DTX1: variants seen among roughly 807,000 people sequenced by gnomAD.
DTX1 encodes the protein E3 ubiquitin-protein ligase DTX1.
In DTX1, 26 loss-of-function variants were observed where a neutral mutation model predicts 57.8. The ratio of observed to expected loss-of-function variants is 0.45; its 90% CI spans 0.33 to 0.62. DTX1 has a LOEUF of 0.62. DTX1 is among the 20% of genes least tolerant of loss of function. The pLI is 0.02. For missense variants in DTX1, 704 were observed against 895.3 expected, an observed-to-expected ratio of 0.79 and a Z score of 2.73; for synonymous variants, 398 against 394.1, an observed-to-expected ratio of 1.01 and a Z score of -0.12.
intron 2 of DTX1, among the ~76,000 whole-genome samples, chr12:113,073,076 C>G (rs968682226): frequency 6.6e-6 from 1 of 152,094 alleles, no homozygotes; most frequent in Non-Finnish European, 1.5e-5. Context: ...CCTCCCCTGC[C>G]GAGCTCAGGA....
intron 2 of DTX1, among the ~76,000 whole-genome samples, chr12:113,064,301 C>T (rs899538990): frequency 1.3e-5 from 2 of 152,222 alleles, no homozygotes; most frequent in East Asian, 1.9e-4. Context: ...CCACCAGTCA[C>T]GCTGTCTGTA....
chr12:113,077,540 T>C lies in DTX1; in HGVS notation c.376T>C (p.Cys126Arg). Residue 126 changes from cysteine (C) to arginine (R), a missense_variant, in exon 3 of 10, where the codon TGC becomes CGC. Coordinates refer to ENST00000548759, the MANE Select transcript of DTX1 (RefSeq NM_004416.3). The surrounding 1 kb of genome is among the most constrained non-coding windows in gnomAD (Gnocchi z 7.8). ...ATGGACGGCCTACGATATGGACATCTGCATCACCATCCAGAACGCCTACGA... is the reference window on the plus strand; with the variant it reads ...ATGGACGGCCTACGATATGGACATCCGCATCACCATCCAGAACGCCTACGA... The part of the protein sequence containing the change: ...GAWTAYDMDI[C>R]ITIQNAYEKQ... 6.2e-7 allele frequency: 1 copy of C among 1,613,814 alleles called. No individual in the cohort carries two copies. Among genetic ancestry groups the C allele is most frequent in the Non-Finnish European group, 8.5e-7 (1 of 1,179,918 alleles).
Position 113,093,321 on chromosome 12 carries a change from C to T in DTX1, c.1003+98C>T. The T allele has an allele frequency of 1.4e-6, 2 of 1,436,312 alleles. No individual in the cohort carries two copies. Among genetic ancestry groups the T allele is most frequent in the Non-Finnish European group, 1.9e-6 (2 of 1,061,076 alleles). The allele number at this position is 1,436,312 out of a possible 1,614,324, so 89.0% of individuals were successfully genotyped here. On this transcript the variant is annotated intron_variant, in intron 4 of 9. Transcript: ENST00000548759. The surrounding 1 kb of genome is among the most constrained non-coding windows in gnomAD (Gnocchi z 4.2). ...CCCGCCCCCGAGATGGGCTGGTGAG[C>T]GTGGCCCGGAGGAAACGCCCCCTTC...
At chr12:113,057,287 C>T (rs2044631392) in intron 1 of DTX1, among the ~76,000 whole-genome samples, 162 bp from the exon 2 acceptor site, 1 of 152,250 alleles carries the variant, frequency 6.6e-6, no homozygotes, top group East Asian at 1.9e-4. Flanking sequence ...GCCTTCCCTC[C>T]AGGCCTGCCC....
chr12:113,070,921 G>A (rs1378265004), intron 2 of DTX1, among the ~76,000 whole-genome samples: 1 of 152,218 alleles, frequency 6.6e-6, no homozygotes, highest in African/African-American at 2.4e-5. Flanking sequence ...TGGAAGCAAT[G>A]GTGTGAGGAT....
chr12:113,075,119 A>G lies in DTX1; in HGVS notation c.260-2305A>G, dbSNP rs143993387. ...GATCCTCTCAGCAACCCCACAAGCA[A>G]CTGTTGCTACAGCTGGCAAACGCAG... On this transcript the variant is annotated intron_variant, in intron 2 of 9. Transcript: ENST00000548759. Among the ~76,000 whole-genome samples, 180 of 152,316 alleles carry G rather than the reference A, an allele frequency of 1.2e-3. 2 individuals carry two copies. The highest frequency in any genetic ancestry group is 1.6e-4 in the Non-Finnish European group (11 of 68,020).
chr12:113,077,581 G>A lies in DTX1; in HGVS notation c.417G>A (p.Trp139Ter). 1 of 1,613,642 alleles carries A rather than the reference G, an allele frequency of 6.2e-7. No homozygotes were observed. Among genetic ancestry groups the A allele is most frequent in the Non-Finnish European group, 8.5e-7 (1 of 1,179,904 alleles). Residue 139 changes from tryptophan (W) to a stop codon, truncating the protein, a stop_gained, in exon 3 of 10, where the codon TGG becomes TGA. Coordinates refer to ENST00000548759, the MANE Select transcript of DTX1 (RefSeq NM_004416.3). LOFTEE classifies it high-confidence loss of function. This position sits in a 1 kb window ranked among gnomAD's most constrained non-coding sequence, Gnocchi z 7.8. ...ACGCCTACGAGAAGCAGCACCCGTG[G>A]CTCGACCTCTCATCGCTAGGCTTCT... Reference protein sequence around the residue: ...IQNAYEKQHPWLDLSSLGFCY... With the variant: ...IQNAYEKQHP
chr12:113,094,042 G>C lies in DTX1; in HGVS notation c.1170G>C (p.Lys390Asn). The change falls in exon 6 of 10, where the codon AAG (lysine) becomes AAC (asparagine). Residue 390 changes from lysine (K) to asparagine (N), a missense_variant. By Grantham distance (94) the Lys-to-Asn change is moderately conservative. Transcript: ENST00000548759. ...CACCCCGCTGTGTCCCTGCAGGTAA[G>C]AATCCCGAGGATGTGGTTCGAAGAT... ...KTKKKHLKKS[K>N]NPEDVVRRYM... The C allele has an allele frequency of 3.9e-6, 6 of 1,554,716 alleles. No homozygotes were observed. Among genetic ancestry groups the C allele is most frequent in the Non-Finnish European group, 5.2e-6 (6 of 1,147,480 alleles).
chr12:113,064,874 G>C (rs115143586), intron 2 of DTX1, among the ~76,000 whole-genome samples: 9,411 of 152,288 alleles, frequency 0.062, 474 homozygotes, highest in African/African-American at 0.13. Context: ...TGTATGCCTG[G>C]AGCCTCTGAG....
At chr12:113,069,192 G>A in intron 2 of DTX1, among the ~76,000 whole-genome samples, 1 of 152,102 alleles carries the variant, frequency 6.6e-6, no homozygotes, top group East Asian at 1.9e-4. Context: ...AGATGAGAAA[G>A]GAGCAGTTTG....
rs1391940298 is a variant in DTX1 at position 113,077,185 on chromosome 12, C to T, written c.260-239C>T. Among the ~76,000 whole-genome samples, 1 of 152,178 alleles carries T rather than the reference C, an allele frequency of 6.6e-6. No homozygotes were observed. The highest frequency in any genetic ancestry group is 6.5e-5 in the Admixed American group (1 of 15,290). ...TGCGCTGAACCTTTAGCCCCGGCCCCCCTCACCCTGGCTGCCGCCTGTCCT... is the reference window on the plus strand; with the variant it reads ...TGCGCTGAACCTTTAGCCCCGGCCCTCCTCACCCTGGCTGCCGCCTGTCCT... On this transcript the variant is annotated intron_variant, in intron 2 of 9. Transcript: ENST00000548759. The surrounding 1 kb of genome is among the most constrained non-coding windows in gnomAD (Gnocchi z 7.8).
At chr12:113,092,856 A>G (rs940841348) in intron 3 of DTX1, among the ~76,000 whole-genome samples, 1 of 152,252 alleles carries the variant, frequency 6.6e-6, no homozygotes, top group East Asian at 1.9e-4. Flanking sequence ...ACAGCGGCCA[A>G]CGAAAGGAGC....
In DTX1 at chr12:113,096,940, G is replaced by T; in HGVS notation, c.*1G>T. On this transcript the variant is annotated 3_prime_UTR_variant, in exon 10 of 10. Coordinates refer to ENST00000548759, the MANE Select transcript of DTX1 (RefSeq NM_004416.3). ...ATCCGAGGCTGCAGCCAAGGCTTGA[G>T]GCCCAAGGCTGCCCACCTTCCCTCC... The T allele has an allele frequency of 1.2e-6, 2 of 1,607,562 alleles. No homozygotes were observed. The highest frequency in any genetic ancestry group is 8.5e-7 in the Non-Finnish European group (1 of 1,178,386).
At chr12:113,062,263 A>T (rs905350872) in intron 2 of DTX1, among the ~76,000 whole-genome samples, 11 of 152,118 alleles carry the variant, frequency 7.2e-5, no homozygotes, top group Non-Finnish European at 1.5e-4. Flanking sequence ...ATAGCATCAG[A>T]TAATAAATCT....
Position 113,093,486 on chromosome 12 carries a change from G to A in DTX1, c.1004-53G>A, listed in dbSNP as rs1318078447. On this transcript the variant is annotated intron_variant, in intron 4 of 9. Transcript: ENST00000548759. This position sits in a 1 kb window ranked among gnomAD's most constrained non-coding sequence, Gnocchi z 4.2. ...CGGGATTCCCAGGGCCAGTGGTCGG[G>A]GGTTTGGGCGGGGATGGCGCCCCGC... 20 of 1,488,338 alleles carry A rather than the reference G, an allele frequency of 1.3e-5. No homozygotes were observed. In the Admixed American group the frequency reaches 4.8e-4, roughly 35 times the overall value. 92.2% of individuals were successfully genotyped at this position (1,488,338 alleles called of 1,614,324 possible). A position where few individuals can be genotyped will look rare whatever the true frequency, so the allele number is the denominator to read the frequency against.
chr12:113,096,484 GAAAGA>G (rs1228470316), intron 9 of DTX1, among the ~76,000 whole-genome samples: 20 of 150,766 alleles, frequency 1.3e-4, no homozygotes, highest in African/African-American at 4.1e-4. Flanking sequence ...AAAAGAAAAG[GAAAGA>G]AAAGAAAAGA....
At chr12:113,080,775 A>T (rs913485685) in intron 3 of DTX1, among the ~76,000 whole-genome samples, 1 of 152,120 alleles carries the variant, frequency 6.6e-6, no homozygotes, top group Non-Finnish European at 1.5e-5. Context: ...CAGGAGTTCA[A>T]GACTAGCCTG....
At position 113,077,043 on chromosome 12, in the gene DTX1, C is replaced by T. The variant is rs1427522340; in HGVS notation, c.260-381C>T. Among the ~76,000 whole-genome samples the T allele has an allele frequency of 6.6e-6, 1 of 152,036 alleles. No individual in the cohort carries two copies. The highest frequency in any genetic ancestry group is 1.5e-5 in the Non-Finnish European group (1 of 67,976). On this transcript the variant is annotated intron_variant, in intron 2 of 9. Transcript: ENST00000548759. The surrounding 1 kb of genome is among the most constrained non-coding windows in gnomAD (Gnocchi z 7.8). Reference sequence around the variant, plus strand: ...GTGGAGGGTGGGGGAGCCCTCCACACCTTGCTGGTTTCCTACCCCAGGCTA... The same window carrying T: ...GTGGAGGGTGGGGGAGCCCTCCACATCTTGCTGGTTTCCTACCCCAGGCTA...
chr12:113,080,128 C>T (rs1486686128), intron 3 of DTX1, among the ~76,000 whole-genome samples: 2 of 152,192 alleles, frequency 1.3e-5, no homozygotes, highest in Non-Finnish European at 2.9e-5. Context: ...CTGGTCATTC[C>T]TCTCGGAGGA....
Sources: gnomAD v4.1 joint callset for allele counts (sites outside exome capture counted in the v4.1 genomes callset) on GRCh38, gnomAD v4.1.1 for gene constraint, Gnocchi (gnomAD v3.1) non-coding constraint, MANE v1.5 for transcripts, NCBI Gene and HGNC (gene_info 2026-07-23, HGNC 2026-07-21) for gene names.